The following KIF1B variants were observed in gnomAD, a reference collection of about 807,000 sequenced individuals.
KIF1B encodes the protein kinesin-like protein KIF1B.
A neutral mutation model predicts 241.9 loss-of-function variants in KIF1B; 76 were observed. The observed-to-expected ratio is 0.31, with a 90% CI of 0.26 to 0.38. KIF1B has a LOEUF of 0.38. Ranked by LOEUF, KIF1B falls within the 10% of genes least tolerant of loss-of-function variation. The pLI is 1.00. For missense variants in KIF1B, 1,622 were observed against 2,271.4 expected (o/e 0.71, Z 5.81); for synonymous variants, 750 against 796.7 (o/e 0.94, Z 0.99).
At chr1:10,311,043 C>G (rs537845529) in intron 22 of KIF1B, among the ~76,000 whole-genome samples, 1 of 151,592 alleles carries the variant, frequency 6.6e-6, no homozygotes, top group African/African-American at 2.4e-5. Context: ...CCTCTCCTAG[C>G]CCAGCCCTTG....
chr1:10,272,404 C>CAAT (rs1190315104), intron 9 of KIF1B, 98 bp downstream of exon 9: 1 of 830,010 alleles, frequency 1.2e-6, no homozygotes, highest in Non-Finnish European at 2.1e-6. Flanking sequence ...TTTTTGTGGC[C>CAAT]CTTTTCTGTA....
chr1:10,322,752 A>G (rs1233557711), intron 24 of KIF1B, among the ~76,000 whole-genome samples: 1 of 152,144 alleles, frequency 6.6e-6, no homozygotes, highest in Non-Finnish European at 1.5e-5. Flanking sequence ...TCCTCTCCTC[A>G]AGTAGACTAA....
chr1:10,263,020 G>T (rs1225750591), intron 5 of KIF1B, among the ~76,000 whole-genome samples: 1 of 151,956 alleles, frequency 6.6e-6, no homozygotes, highest in Non-Finnish European at 1.5e-5. Context: ...GCTGTTTTGG[G>T]GCTCATACCT....
chr1:10,297,825 G>T (rs948156267), intron 22 of KIF1B, among the ~76,000 whole-genome samples: 1 of 151,978 alleles, frequency 6.6e-6, no homozygotes, highest in African/African-American at 2.4e-5. Flanking sequence ...GTGTGGTAGC[G>T]GTGGGAGCAA....
intron 33 of KIF1B, 121 bp from the exon 34 acceptor site, chr1:10,343,111 C>A: frequency 1.0e-6 from 1 of 970,030 alleles, no homozygotes; most frequent in Non-Finnish European, 1.6e-6. Flanking sequence ...CGTACATTCT[C>A]ACTCCTACTT....
intron 12 of KIF1B, among the ~76,000 whole-genome samples, chr1:10,276,909 C>T (rs529961033): frequency 2.9e-4 from 44 of 151,910 alleles, no homozygotes; most frequent in African/African-American, 1.0e-3. Flanking sequence ...GATGAAACCC[C>T]ATCTCTACTA....
At chr1:10,268,561 T>G (rs1419785066) in intron 7 of KIF1B, among the ~76,000 whole-genome samples, 1 of 152,138 alleles carries the variant, frequency 6.6e-6, no homozygotes, top group South Asian at 2.1e-4. Context: ...GAGAAAGTTC[T>G]TTCTTTTCTT....
intron 17 of KIF1B, among the ~76,000 whole-genome samples, chr1:10,294,875 T>G (rs1420609062): frequency 6.6e-6 from 1 of 152,076 alleles, no homozygotes; most frequent in East Asian, 1.9e-4. Flanking sequence ...AATTAATTAA[T>G]TAAAATAAAA....
chr1:10,305,168 T>G, intron 22 of KIF1B: 1 of 1,046,572 alleles, frequency 9.6e-7, no homozygotes, highest in Non-Finnish European at 1.2e-6. Flanking sequence ...TAAATATGAT[T>G]AGAATTTTCG....
In KIF1B at chr1:10,378,122, A is replaced by G; in HGVS notation, c.*1535A>G. ...GCTCTCTATACTCATAAATAAGCAA[A>G]TGTGGCAGGCTTTGCTTTCTGGATC... On this transcript the variant is annotated 3_prime_UTR_variant, in exon 49 of 49. Coordinates refer to ENST00000676179, the MANE Select transcript of KIF1B (RefSeq NM_001365951.3). 1 of 582,364 alleles carries G rather than the reference A, an allele frequency of 1.7e-6. No homozygotes were observed. Among genetic ancestry groups the G allele is most frequent in the Non-Finnish European group, 3.1e-6 (1 of 327,076 alleles). 36.1% of individuals were successfully genotyped at this position (582,364 alleles called of 1,614,324 possible).
chr1:10,358,842 C>T (rs540222519), intron 38 of KIF1B, among the ~76,000 whole-genome samples: 3 of 152,324 alleles, frequency 2.0e-5, no homozygotes, highest in Admixed American at 6.5e-5. Context: ...AGGGTTTCCT[C>T]CTGTGCCCAG....
intron 32 of KIF1B, among the ~76,000 whole-genome samples, chr1:10,340,686 G>T (rs572882553): frequency 9.9e-5 from 15 of 152,150 alleles, no homozygotes; most frequent in Non-Finnish European, 1.8e-4. Flanking sequence ...TGAGACACGA[G>T]AATTGCTTGA....
At chr1:10,238,047 G>C (rs1647081233) in intron 2 of KIF1B, among the ~76,000 whole-genome samples, 3 of 151,970 alleles carry the variant, frequency 2.0e-5, no homozygotes, top group African/African-American at 7.2e-5. Context: ...TGGGATGGAG[G>C]AAGGGCAAAA....
chr1:10,319,689 A>G (rs1330877096), intron 22 of KIF1B, among the ~76,000 whole-genome samples: 1 of 152,134 alleles, frequency 6.6e-6, no homozygotes, highest in Non-Finnish European at 1.5e-5. Context: ...GATATATAAG[A>G]TATTACTTGA....
intron 5 of KIF1B, among the ~76,000 whole-genome samples, chr1:10,266,830 T>C (rs1218468626): frequency 6.6e-6 from 1 of 152,242 alleles, no homozygotes; most frequent in East Asian, 1.9e-4. Context: ...ACAGAGAAAG[T>C]CTGAAGGCTG....
intron 15 of KIF1B, among the ~76,000 whole-genome samples, chr1:10,288,564 G>A (rs1023989100): frequency 1.3e-5 from 2 of 152,256 alleles, no homozygotes; most frequent in East Asian, 3.9e-4. Context: ...CTGCAGACTT[G>A]TTCTAGCTTC....
chr1:10,274,268 C>T (rs1411289592), intron 10 of KIF1B, among the ~76,000 whole-genome samples: 1 of 152,008 alleles, frequency 6.6e-6, no homozygotes, highest in Non-Finnish European at 1.5e-5. Flanking sequence ...AGTGTCACAA[C>T]GCAGTAGTCA....
In KIF1B at chr1:10,363,307, A is replaced by C. The variant is rs769321746; in HGVS notation, c.4329A>C (p.Glu1443Asp). 3 of 1,613,700 alleles carry C rather than the reference A, an allele frequency of 1.9e-6. No individual in the cohort carries two copies. Among genetic ancestry groups the C allele is most frequent in the Non-Finnish European group, 2.5e-6 (3 of 1,179,606 alleles). Residue 1443 changes from glutamate (E) to aspartate (D), a missense_variant, in exon 41 of 49, where the codon GAA (glutamate) becomes GAC (aspartate). Coordinates refer to ENST00000676179, the MANE Select transcript of KIF1B (RefSeq NM_001365951.3). ...GGAATCGAGTCACTGGCATTTACGA[A>C]CTCAGCTTATGCAAAATGTCAGACA... ...PDSNRVTGIY[E>D]LSLCKMSDTG...
intron 32 of KIF1B, among the ~76,000 whole-genome samples, 189 bp from the exon 33 acceptor site, chr1:10,341,861 C>T (rs988626773): frequency 2.0e-5 from 3 of 151,774 alleles, no homozygotes; most frequent in Non-Finnish European, 4.4e-5. Flanking sequence ...GTCCTAGCTA[C>T]TCCGGAGGCT....
Sources: allele counts gnomAD v4.1 joint callset (sites outside exome capture counted in the v4.1 genomes callset), GRCh38; gene constraint gnomAD v4.1.1; transcripts MANE v1.5; gene names NCBI Gene and HGNC (gene_info 2026-07-23, HGNC 2026-07-21).